Variants in CASTOR2 observed in about 807,000 individuals in gnomAD.
CASTOR2 encodes the protein cytosolic arginine sensor for mTORC1 subunit 2, also known as GATS protein like 2.
CASTOR2 carries 8 observed loss-of-function variants against 31.2 expected under a neutral mutation model. The observed-to-expected ratio is 0.26, with a 90% CI of 0.15 to 0.46. The LOEUF is 0.46. Ranked by LOEUF, CASTOR2 falls within the 20% of genes least tolerant of loss-of-function variation. The probability of loss-of-function intolerance (pLI) is 0.99; values close to 1 mark genes in which losing one functional copy is unlikely to be tolerated. For missense variants in CASTOR2, 216 were observed against 382.1 expected (o/e 0.57, Z 3.62); for synonymous variants, 162 against 158.7 (o/e 1.02, Z -0.16).
rs1804898772 is a variant in CASTOR2 at position 75,017,746 on chromosome 7, C to T, written c.333C>T (p.Asn111=). The change falls in exon 3 of 9, where the codon AAC becomes AAT. Residue 111 remains asparagine (N), a synonymous_variant. Coordinates refer to ENST00000616305, the MANE Select transcript of CASTOR2 (RefSeq NM_001145064.3). ...KSVIAPLADQ[N]ISVFMLSTYQ... ...TCATCGCCCCACTGGCTGACCAGAACATATCCGTGTTCATGCTGTCCACGT... is the reference window on the plus strand; with the variant it reads ...TCATCGCCCCACTGGCTGACCAGAATATATCCGTGTTCATGCTGTCCACGT... 1.3e-5 allele frequency: 21 copies of T among 1,613,928 alleles called. No homozygotes were observed. In the Middle Eastern group the frequency reaches 4.9e-4, roughly 38 times the overall value.
rs1197469278 is a variant in CASTOR2 at position 74,999,922 on chromosome 7, G to A, written c.114-8072G>A. Among the ~76,000 whole-genome samples the A allele has an allele frequency of 6.3e-4, 96 of 152,254 alleles. No individual in the cohort carries two copies. In the Middle Eastern group the frequency reaches 0.01, roughly 16 times the overall value. ...GCCACTGCGCCCGGCCACTCACTGC[G>A]TGTTTTAAAAGGCCCCTGTCAGCTG... On this transcript the variant is annotated intron_variant, in intron 1 of 8. Transcript: ENST00000616305.
rs960194896 is a variant in CASTOR2, at chr7:75,025,338, G to A, written c.*639G>A. 3.3e-5 allele frequency among the ~76,000 whole-genome samples: 5 copies of A among 151,900 alleles called. No homozygotes were observed. Among genetic ancestry groups the A allele is most frequent in the Non-Finnish European group, 7.4e-5 (5 of 67,920 alleles). On this transcript the variant is annotated 3_prime_UTR_variant, in exon 9 of 9. Coordinates refer to ENST00000616305, the MANE Select transcript of CASTOR2 (RefSeq NM_001145064.3). ...CCTGCCAACCACAGGGCCTGGGCCC[G>A]ACTCCCAGCAAGACTGCCAAGAGGG... is the stretch of plus-strand genomic sequence containing the variant.
chr7:75,024,289 CAA>C (rs1176761716), intron 7 of CASTOR2, 149 bp from the exon 8 acceptor site: 13 of 844,416 alleles, frequency 1.5e-5, no homozygotes, highest in African/African-American at 3.4e-5. Context: ...GACTCCATCT[CAA>C]AAAAAATAAA....
Position 75,028,176 on chromosome 7 carries a change from G to A in CASTOR2, c.*3477G>A, listed in dbSNP as rs2131963114. 1.7e-6 allele frequency: 2 copies of A among 1,196,826 alleles called. No individual in the cohort carries two copies. The highest frequency in any genetic ancestry group is 2.3e-6 in the Non-Finnish European group (2 of 881,200). 74.1% of individuals were successfully genotyped at this position (1,196,826 alleles called of 1,614,324 possible). ...TCTGTCGCCCAGGCTGGAGTGCTGT[G>A]GCATGATCTCAGCTCACTGCAGCAA... On this transcript the variant is annotated 3_prime_UTR_variant, in exon 9 of 9. Transcript: ENST00000616305.
Position 75,028,096 on chromosome 7 carries a change from A to G in CASTOR2, c.*3397A>G. The G allele has an allele frequency of 6.7e-7, 1 of 1,487,546 alleles. No individual in the cohort carries two copies. Among genetic ancestry groups the G allele is most frequent in the African/African-American group, 1.4e-5 (1 of 69,012 alleles). 92.1% of individuals were successfully genotyped at this position (1,487,546 alleles called of 1,614,324 possible). ...GGCAGGTGCCTGGCGGGGGAGGAAG[A>G]GGGCTCTCTATGATGTGGAATTTTT... On this transcript the variant is annotated 3_prime_UTR_variant, in exon 9 of 9. Transcript: ENST00000616305.
At chr7:74,976,539 TCC>T (rs1803813448) in intron 1 of CASTOR2, among the ~76,000 whole-genome samples, 1 of 22,978 alleles carries the variant, frequency 4.4e-5, no homozygotes, top group African/African-American at 7.1e-5. Context: ...TGTCTCCTCC[TCC>T]TCCTCCTCCT....
intron 1 of CASTOR2, among the ~76,000 whole-genome samples, chr7:74,982,049 C>G (rs1479681847): frequency 1.2e-5 from 1 of 84,986 alleles, no homozygotes. Flanking sequence ...GCCTGGTTGA[C>G]AAAGTGAGAC....
intron 7 of CASTOR2, among the ~76,000 whole-genome samples, chr7:75,022,364 G>C (rs1019431735): frequency 6.6e-6 from 1 of 152,142 alleles, no homozygotes; most frequent in Non-Finnish European, 1.5e-5. Context: ...AATTAGCTGG[G>C]CATGGTGGCT....
At chr7:74,985,718 G>C (rs1330478005) in intron 1 of CASTOR2, among the ~76,000 whole-genome samples, 3 of 151,456 alleles carry the variant, frequency 2.0e-5, no homozygotes, top group African/African-American at 4.9e-5. Flanking sequence ...TCAGTGTCCC[G>C]TCTGCAGAGG....
chr7:75,000,531 G>A (rs1424651490), intron 1 of CASTOR2, among the ~76,000 whole-genome samples: 8 of 152,092 alleles, frequency 5.3e-5, no homozygotes, highest in African/African-American at 1.9e-4. Context: ...GTAAACAGGC[G>A]CCCATAACAT....
Position 75,024,620 on chromosome 7 carries a change from C to G in CASTOR2, c.925-14C>G. 1 of 1,551,564 alleles carries G rather than the reference C, an allele frequency of 6.4e-7. No individual in the cohort carries two copies. Among genetic ancestry groups the G allele is most frequent in the African/African-American group, 1.4e-5 (1 of 73,154 alleles). On this transcript the variant is annotated splice_polypyrimidine_tract_variant and intron_variant, in intron 8 of 8. Transcript: ENST00000616305. ...GCTCACGGGCAGGCATCTGCCTCCTCTACCCCTGCACAGGTCCCCGAAGAG... is the reference window on the plus strand; with the variant it reads ...GCTCACGGGCAGGCATCTGCCTCCTGTACCCCTGCACAGGTCCCCGAAGAG...
intron 5 of CASTOR2, 96 bp from the exon 6 acceptor site, chr7:75,019,942 GC>G: frequency 2.8e-6 from 3 of 1,084,676 alleles, no homozygotes; most frequent in Non-Finnish European, 4.0e-6. Context: ...CACCCAGGTG[GC>G]ATCAAAGCCT....
intron 2 of CASTOR2, among the ~76,000 whole-genome samples, chr7:75,011,599 G>T (rs1212739732): frequency 1.3e-5 from 2 of 151,574 alleles, no homozygotes; most frequent in African/African-American, 4.8e-5. Context: ...TGCCAGGCGT[G>T]GTGGTGGGCG....
chr7:75,012,909 A>G (rs1359078069), intron 2 of CASTOR2, among the ~76,000 whole-genome samples: 1 of 152,130 alleles, frequency 6.6e-6, no homozygotes, highest in Non-Finnish European at 1.5e-5. Context: ...AAATTTCCAA[A>G]GTGCTGGGAT....
At position 75,029,071 on chromosome 7, in the gene CASTOR2, CAG is replaced by C. The variant is rs1163906273; in HGVS notation, c.*4375_*4376del. On this transcript the variant is annotated 3_prime_UTR_variant, in exon 9 of 9. Transcript: ENST00000616305. ...GGAGGGGCTTGCCCCTCTGAGGTGACAGAGGATGCCCTGGAGGTCAGGAGAGA... is the reference window on the plus strand; with the variant it reads ...GGAGGGGCTTGCCCCTCTGAGGTGACAGGATGCCCTGGAGGTCAGGAGAGA... Among the ~76,000 whole-genome samples the C allele has an allele frequency of 5.8e-3, 880 of 152,334 alleles. 11 individuals carry two copies. The highest frequency in any genetic ancestry group is 0.02 in the African/African-American group (830 of 41,580).
chr7:74,989,661 C>T (rs1804158619), intron 1 of CASTOR2, among the ~76,000 whole-genome samples: 1 of 151,846 alleles, frequency 6.6e-6, no homozygotes, highest in Non-Finnish European at 1.5e-5. Context: ...AGCGATCCTC[C>T]CACCCCAGCC....
intron 2 of CASTOR2, among the ~76,000 whole-genome samples, chr7:75,009,537 G>A (rs1185318653): frequency 2.0e-5 from 3 of 151,814 alleles, no homozygotes. Flanking sequence ...CAAAATGCTG[G>A]GATTACAGGC....
intron 1 of CASTOR2, among the ~76,000 whole-genome samples, chr7:74,983,245 T>C (rs1803987610): frequency 6.9e-6 from 1 of 144,946 alleles, no homozygotes; most frequent in African/African-American, 2.6e-5. Context: ...CTCCTGACCT[T>C]GGGTGATCAA....
At position 75,020,468 on chromosome 7, in the gene CASTOR2, C is replaced by T. The variant is rs1804968178; in HGVS notation, c.746+319C>T. ...CTGGTCTCAAGCTCCTGACCTCAGG[C>T]AATCCGCCCGCCTCAGGCGTGATTT... On this transcript the variant is annotated intron_variant, in intron 6 of 8. Transcript: ENST00000616305. Among the ~76,000 whole-genome samples, 6 of 147,248 alleles carry T rather than the reference C, an allele frequency of 4.1e-5. No individual in the cohort carries two copies. In the South Asian group the frequency reaches 8.6e-4, roughly 21 times the overall value.
Sources: allele counts gnomAD v4.1 joint callset (sites outside exome capture counted in the v4.1 genomes callset), GRCh38; gene constraint gnomAD v4.1.1; transcripts MANE v1.5; gene names NCBI Gene and HGNC (gene_info 2026-07-23, HGNC 2026-07-21).